ATXN1: variants seen among roughly 807,000 people sequenced by gnomAD.
The protein encoded by ATXN1 is ataxin-1.
Under a neutral mutation model 56.4 loss-of-function variants are expected in ATXN1, and 8 were observed. The observed-to-expected ratio is 0.14, with a 90% CI of 0.08 to 0.26. ATXN1 has a LOEUF of 0.26. Among genes scored for constraint, ATXN1 ranks in the 10% least tolerant of loss-of-function variants. The pLI, the probability that ATXN1 is intolerant of heterozygous loss-of-function variation, is 1.00. For missense variants in ATXN1, 987 were observed against 1,106.5 expected (o/e 0.89, Z 1.53); for synonymous variants, 514 against 494.6 (o/e 1.04, Z -0.52).
intron 6 of ATXN1, among the ~76,000 whole-genome samples, chr6:16,463,281 C>T (rs552284310): frequency 1.3e-5 from 2 of 152,340 alleles, no homozygotes; most frequent in Admixed American, 1.3e-4. Context: ...TCCCCACTAA[C>T]TGGACAGGCA....
chr6:16,305,953 A>ACCCTGCAC lies in ATXN1; in HGVS notation c.*368_*375dup, dbSNP rs1760235636. On this transcript the variant is annotated 3_prime_UTR_variant, in exon 8 of 8. Coordinates refer to ENST00000436367, the MANE Select transcript of ATXN1 (RefSeq NM_001128164.2). ...GCCTGTGCACCCCCACATGCGTGCAACCCTGCACCCCTGCAGGACCCTTCC... is the reference window on the plus strand; with the variant it reads ...GCCTGTGCACCCCCACATGCGTGCAACCCTGCACCCCTGCACCCCTGCAGGACCCTTCC... The ACCCTGCAC allele has an allele frequency of 5.0e-6, 1 of 201,066 alleles. No homozygotes were observed. 12.5% of individuals were successfully genotyped at this position (201,066 alleles called of 1,614,324 possible).
Position 16,327,932 on chromosome 6 carries a change from A to G in ATXN1, c.379T>C (p.Phe127Leu). The change falls in exon 7 of 8, where the codon TTC (phenylalanine) becomes CTC (leucine). Residue 127 changes from phenylalanine to leucine, a missense_variant. Around this residue, in one of 3 missense-constraint regions of ATXN1, gnomAD observed 723 missense variants for 791.7 expected, o/e 0.91. Coordinates refer to ENST00000436367, the MANE Select transcript of ATXN1 (RefSeq NM_001128164.2). ...PVQYAHLPHTFQFIGSSQYSG... is the reference protein window; with the variant it reads ...PVQYAHLPHTLQFIGSSQYSG... ...TATTGGGAGGACCCAATGAACTGGA[A>G]GGTGTGCGGCAGGTGAGCGTACTGC... 1 of 1,611,532 alleles carries G rather than the reference A, an allele frequency of 6.2e-7. No homozygotes were observed. The highest frequency in any genetic ancestry group is 8.5e-7 in the Non-Finnish European group (1 of 1,179,918).
At chr6:16,639,859 C>G (rs920014504) in intron 3 of ATXN1, among the ~76,000 whole-genome samples, 4 of 152,192 alleles carry the variant, frequency 2.6e-5, no homozygotes, top group African/African-American at 9.7e-5. Context: ...TACTTCTTCT[C>G]TGAGTAATAG....
At chr6:16,390,930 G>T (rs1236593105) in intron 6 of ATXN1, among the ~76,000 whole-genome samples, 1 of 152,114 alleles carries the variant, frequency 6.6e-6, no homozygotes, top group Non-Finnish European at 1.5e-5. Flanking sequence ...GGAGGCCGAG[G>T]CAGGTGAACC....
intron 6 of ATXN1, among the ~76,000 whole-genome samples, chr6:16,359,456 G>A (rs1412921910): frequency 6.6e-6 from 1 of 152,084 alleles, no homozygotes. Context: ...GCAGAGAGGA[G>A]TACCCTCTCT....
At chr6:16,443,208 CAAAAAAAAAAA>C (rs70999325) in intron 6 of ATXN1, among the ~76,000 whole-genome samples, 2 of 40,760 alleles carry the variant, frequency 4.9e-5, no homozygotes, top group Admixed American at 6.0e-4. Flanking sequence ...TCTATTGGAG[CAAAAAAAAAAA>C]AAAAAAAAAA....
intron 6 of ATXN1, among the ~76,000 whole-genome samples, chr6:16,344,605 C>T (rs1016039221): frequency 2.6e-5 from 4 of 152,224 alleles, no homozygotes; most frequent in Non-Finnish European, 4.4e-5. Flanking sequence ...CTTGGACCTA[C>T]ACTAATGGTT....
intron 2 of ATXN1, among the ~76,000 whole-genome samples, chr6:16,722,156 T>C (rs1759758166): frequency 6.6e-6 from 1 of 152,102 alleles, no homozygotes; most frequent in Non-Finnish European, 1.5e-5. Context: ...GTTGAGGAAA[T>C]GAAAGGAGAT....
intron 4 of ATXN1, among the ~76,000 whole-genome samples, chr6:16,555,170 G>A (rs922264863): frequency 2.0e-5 from 3 of 152,024 alleles, no homozygotes; most frequent in Admixed American, 6.6e-5. Context: ...CCATCATCTC[G>A]GAGGTCTTTC....
chr6:16,546,973 G>A (rs1470399448), intron 4 of ATXN1, among the ~76,000 whole-genome samples: 1 of 152,220 alleles, frequency 6.6e-6, no homozygotes, highest in Non-Finnish European at 1.5e-5. Flanking sequence ...TTCCCAAGGA[G>A]GAAAAAGGCA....
intron 2 of ATXN1, among the ~76,000 whole-genome samples, chr6:16,719,733 T>C (rs1434261364): frequency 6.6e-6 from 1 of 152,080 alleles, no homozygotes; most frequent in Non-Finnish European, 1.5e-5. Context: ...CCACTGTTCT[T>C]CTAAGAGACA....
intron 2 of ATXN1, among the ~76,000 whole-genome samples, chr6:16,715,013 C>G (rs901154682): frequency 6.6e-6 from 1 of 152,054 alleles, no homozygotes; most frequent in African/African-American, 2.4e-5. Context: ...GGACATACAC[C>G]TTCCCATACT....
chr6:16,688,746 T>G (rs1450437368), intron 2 of ATXN1, among the ~76,000 whole-genome samples: 1 of 152,216 alleles, frequency 6.6e-6, no homozygotes, highest in Non-Finnish European at 1.5e-5. Context: ...TATTTACAAT[T>G]GGGGCTGCCT....
At chr6:16,717,114 C>T (rs1268225027) in intron 2 of ATXN1, among the ~76,000 whole-genome samples, 1 of 152,250 alleles carries the variant, frequency 6.6e-6, no homozygotes, top group Non-Finnish European at 1.5e-5. Context: ...CTACCCCTGC[C>T]CCAGCCAGCA....
At chr6:16,586,723 A>G (rs2113766240) in intron 3 of ATXN1, among the ~76,000 whole-genome samples, 1 of 152,308 alleles carries the variant, frequency 6.6e-6, no homozygotes, top group Admixed American at 6.5e-5. Context: ...TGTAGTTAGT[A>G]TTAAAACATA....
intron 6 of ATXN1, among the ~76,000 whole-genome samples, chr6:16,438,194 C>T (rs932505393): frequency 6.6e-6 from 1 of 152,152 alleles, no homozygotes; most frequent in Non-Finnish European, 1.5e-5. Context: ...TGCCGGCTCG[C>T]CTGCCTCTCA....
chr6:16,557,601 G>A (rs989463716), intron 4 of ATXN1, among the ~76,000 whole-genome samples: 4 of 152,106 alleles, frequency 2.6e-5, no homozygotes, highest in East Asian at 1.9e-4. Flanking sequence ...ATACCATACC[G>A]ATATTAAAAA....
In ATXN1 at chr6:16,327,355, T is replaced by G. The variant is rs750379892; in HGVS notation, c.956A>C (p.Gln319Pro). 6.2e-7 allele frequency: 1 copy of G among 1,613,402 alleles called. No individual in the cohort carries two copies. Among genetic ancestry groups the G allele is most frequent in the Non-Finnish European group, 8.5e-7 (1 of 1,179,962 alleles). ...CTCACCGTTCAGGACCTCCTTGGCCTGGATGGCCTGCTGCAGCCGGCTGCT... is the reference window on the plus strand; with the variant it reads ...CTCACCGTTCAGGACCTCCTTGGCCGGGATGGCCTGCTGCAGCCGGCTGCT... ...AESSRLQQAI[Q>P]AKEVLNGEME... The change falls in exon 7 of 8, where the codon CAG (glutamine) becomes CCG (proline). Residue 319 changes from glutamine to proline, a missense_variant. Physicochemically the swap from Gln to Pro is moderately conservative, Grantham distance 76 (BLOSUM62 -1). Around this residue, in one of 3 missense-constraint regions of ATXN1, gnomAD observed 723 missense variants for 791.7 expected, o/e 0.91. Transcript: ENST00000436367.
At chr6:16,321,298 T>C (rs1212572084) in intron 7 of ATXN1, among the ~76,000 whole-genome samples, 1 of 152,118 alleles carries the variant, frequency 6.6e-6, no homozygotes, top group Non-Finnish European at 1.5e-5. Context: ...ACTTGGAGGA[T>C]ATTAAGTGGA....
Sources: allele counts gnomAD v4.1 joint callset (sites outside exome capture counted in the v4.1 genomes callset), GRCh38; gene constraint gnomAD v4.1.1; regional missense constraint gnomAD v4.1.1; transcripts MANE v1.5; gene names NCBI Gene and HGNC (gene_info 2026-07-23, HGNC 2026-07-21).